The following RPL7L1 variants were observed in gnomAD, a reference collection of about 807,000 sequenced individuals.
The protein encoded by RPL7L1 is ribosomal protein uL30-like.
Under a neutral mutation model 30.3 loss-of-function variants are expected in RPL7L1, and 20 were observed. The ratio of observed to expected loss-of-function variants is 0.66; its 90% CI spans 0.46 to 0.96. The LOEUF is 0.96. RPL7L1 is among the 40% of genes least tolerant of loss of function. The pLI, the probability that RPL7L1 is intolerant of heterozygous loss-of-function variation, is 0.00. For synonymous variants in RPL7L1, 107 were observed against 110.1 expected (o/e 0.97, Z 0.18); for missense variants, 271 against 314.9 (o/e 0.86, Z 1.05).
rs1766383514 is a variant in RPL7L1 at position 42,889,098 on chromosome 6, CCCT to C, written c.*2636_*2638del. On this transcript the variant is annotated 3_prime_UTR_variant, in exon 6 of 6. Coordinates refer to ENST00000493763, the MANE Select transcript of RPL7L1 (RefSeq NM_001366481.3). ...TTGGCTGCAATTTTGGCTCCTTGGA[CCCT>C]CAAGCATAGCTGGTAAATCAAGTTA... 1 of 152,114 alleles carries C rather than the reference CCCT, an allele frequency of 6.6e-6. No individual in the cohort carries two copies. The highest frequency in any genetic ancestry group is 1.5e-5 in the Non-Finnish European group (1 of 68,048). The allele number at this position is 152,114 out of a possible 1,614,324, so 9.4% of individuals were successfully genotyped here.
At chr6:42,884,266 G>T (rs1223069848) in intron 3 of RPL7L1, among the ~76,000 whole-genome samples, 1 of 152,142 alleles carries the variant, frequency 6.6e-6, no homozygotes, top group African/African-American at 2.4e-5. Flanking sequence ...CTTGGTGATT[G>T]TCAGAAAGAA....
In RPL7L1 at chr6:42,889,422, C is replaced by CA. The variant is rs1415612590; in HGVS notation, c.*2962dup. On this transcript the variant is annotated 3_prime_UTR_variant, in exon 6 of 6. Coordinates refer to ENST00000493763, the MANE Select transcript of RPL7L1 (RefSeq NM_001366481.3). ...CACCATTGCACTCCACCTTGGGCAA[C>CA]AAAAGCAAAACTCTGTCTCAAAAAA... 9.8e-6 allele frequency: 1 copy of CA among 102,402 alleles called. No homozygotes were observed. The highest frequency in any genetic ancestry group is 2.0e-5 in the Non-Finnish European group (1 of 49,780). 6.3% of individuals were successfully genotyped at this position (102,402 alleles called of 1,614,324 possible).
In RPL7L1 at chr6:42,886,392, C is replaced by T; in HGVS notation, c.696C>T (p.Gly232=). ...VARHATKNRV[G]FLKEMGTPGY... ...GTCATGCTACCAAAAATAGAGTGGG[C>T]TTCCTCAAGGAGATGGGCACACCTG... is the stretch of plus-strand genomic sequence containing the variant. Residue 232 remains glycine (G), a synonymous_variant, in exon 6 of 6, where the codon GGC becomes GGT. Transcript: ENST00000493763. 6.3e-7 allele frequency: 1 copy of T among 1,597,844 alleles called. No homozygotes were observed. Among genetic ancestry groups the T allele is most frequent in the Middle Eastern group, 2.3e-4 (1 of 4,428 alleles).
In RPL7L1 at chr6:42,885,970, A is replaced by G. The variant is rs750725981; in HGVS notation, c.450-4A>G. 4 of 1,567,232 alleles carry G rather than the reference A, an allele frequency of 2.6e-6. No individual in the cohort carries two copies. The highest frequency in any genetic ancestry group is 1.4e-5 in the African/African-American group (1 of 74,000). Reference sequence around the variant, plus strand: ...TGAAAACCGTGCTTTATTTTCCTACATAGATTTCCAAATCTGAAGTCTGTC... The same window carrying G: ...TGAAAACCGTGCTTTATTTTCCTACGTAGATTTCCAAATCTGAAGTCTGTC... On this transcript the variant is annotated splice_polypyrimidine_tract_variant and splice_region_variant and intron_variant, in intron 4 of 5. Coordinates refer to ENST00000493763, the MANE Select transcript of RPL7L1 (RefSeq NM_001366481.3).
chr6:42,880,179 G>A (rs1229025858), intron 1 of RPL7L1, among the ~76,000 whole-genome samples: 1 of 152,126 alleles, frequency 6.6e-6, no homozygotes, highest in South Asian at 2.1e-4. Context: ...CAGCGGGCTG[G>A]AGTGCCACAG....
chr6:42,881,849 C>G (rs1766091546), intron 2 of RPL7L1: 1 of 152,186 alleles, frequency 6.6e-6, no homozygotes, highest in African/African-American at 2.4e-5. Flanking sequence ...CCTCCGCCGC[C>G]TCCCGGGTTC....
In RPL7L1 at chr6:42,889,044, A is replaced by G. The variant is rs1027164739; in HGVS notation, c.*2580A>G. 6.6e-6 allele frequency: 1 copy of G among 152,192 alleles called. No homozygotes were observed. The highest frequency in any genetic ancestry group is 1.5e-5 in the Non-Finnish European group (1 of 68,042). The allele number at this position is 152,192 out of a possible 1,614,324, so 9.4% of individuals were successfully genotyped here. On this transcript the variant is annotated 3_prime_UTR_variant, in exon 6 of 6. Coordinates refer to ENST00000493763, the MANE Select transcript of RPL7L1 (RefSeq NM_001366481.3). Reference sequence around the variant, plus strand: ...GTTAAACTTGGAAACATGCTTGACCATTCTATTCCCTGGTCCTTTAAGATC... The same window carrying G: ...GTTAAACTTGGAAACATGCTTGACCGTTCTATTCCCTGGTCCTTTAAGATC...
rs1473409195 is a variant in RPL7L1 at position 42,884,832 on chromosome 6, T to TCATGTTGCTGTAGAAGGGA, written c.449+86_449+104dup. 99 of 1,379,704 alleles carry TCATGTTGCTGTAGAAGGGA rather than the reference T, an allele frequency of 7.2e-5. No individual in the cohort carries two copies. In the African/African-American group the frequency reaches 1.2e-3, roughly 17 times the overall value. 85.5% of individuals were successfully genotyped at this position (1,379,704 alleles called of 1,614,324 possible). On this transcript the variant is annotated intron_variant, in intron 4 of 5. Coordinates refer to ENST00000493763, the MANE Select transcript of RPL7L1 (RefSeq NM_001366481.3). ...TGCACCGGGTATTGCTTTCCAGGGCTCATGTTGCTGTAGAAGGGACATTTT... is the reference window on the plus strand; with the variant it reads ...TGCACCGGGTATTGCTTTCCAGGGCTCATGTTGCTGTAGAAGGGACATGTTGCTGTAGAAGGGACATTTT...
In RPL7L1 at chr6:42,887,505, C is replaced by T. The variant is rs1766314205; in HGVS notation, c.*1041C>T. ...GGCTGAGGCAGGAGAATCGCTTGAA[C>T]CTGGGAGGTGGAAGTTGCAGTGAGC... On this transcript the variant is annotated 3_prime_UTR_variant, in exon 6 of 6. Transcript: ENST00000493763. 1 of 152,038 alleles carries T rather than the reference C, an allele frequency of 6.6e-6. No homozygotes were observed. Among genetic ancestry groups the T allele is most frequent in the Non-Finnish European group, 1.5e-5 (1 of 68,008 alleles). The allele number at this position is 152,038 out of a possible 1,614,324, so 9.4% of individuals were successfully genotyped here.
intron 2 of RPL7L1, 146 bp downstream of exon 2, chr6:42,881,112 G>T (rs1424566859): frequency 1.7e-6 from 1 of 596,828 alleles, no homozygotes; most frequent in East Asian, 3.1e-5. Flanking sequence ...TCCTTAAGGG[G>T]TTGGTTCCAG....
chr6:42,883,757 G>T, intron 3 of RPL7L1, 143 bp downstream of exon 3: 1 of 605,542 alleles, frequency 1.7e-6, no homozygotes, highest in Non-Finnish European at 2.8e-6. Flanking sequence ...AATTTAGTCT[G>T]CAATATTTGG....
rs1766398480 is a variant in RPL7L1, at chr6:42,889,575, A to G, written c.*3111A>G. 2 of 152,646 alleles carry G rather than the reference A, an allele frequency of 1.3e-5. No homozygotes were observed. The highest frequency in any genetic ancestry group is 1.3e-4 in the Admixed American group (2 of 15,288). 9.5% of individuals were successfully genotyped at this position (152,646 alleles called of 1,614,324 possible). A position where few individuals can be genotyped will look rare whatever the true frequency, so the allele number is the denominator to read the frequency against. On this transcript the variant is annotated 3_prime_UTR_variant, in exon 6 of 6. Transcript: ENST00000493763. ...CATTGTGAAATCAGATTACTTTAAA[A>G]TGATGTATTACAAAGTTATGCAAAA...
chr6:42,885,046 C>T (rs1007244196), intron 4 of RPL7L1, among the ~76,000 whole-genome samples: 2 of 152,132 alleles, frequency 1.3e-5, no homozygotes, highest in Non-Finnish European at 2.9e-5. Flanking sequence ...AGTAGTATTC[C>T]TGGCCGGACA....
Position 42,880,044 on chromosome 6 carries a change from C to T in RPL7L1, c.41+93C>T, listed in dbSNP as rs116225111. On this transcript the variant is annotated intron_variant, in intron 1 of 5. Coordinates refer to ENST00000493763, the MANE Select transcript of RPL7L1 (RefSeq NM_001366481.3). ...TGCCTTGGTGGCGGATTCCTGTGGG[C>T]TCTAGGAATAGAAAAGGCCACAGTT... 1,939 of 1,267,408 alleles carry T rather than the reference C, an allele frequency of 1.5e-3. 26 individuals carry two copies. In the African/African-American group the frequency reaches 0.024, roughly 16 times the overall value. The allele number at this position is 1,267,408 out of a possible 1,614,324, so 78.5% of individuals were successfully genotyped here.
intron 5 of RPL7L1, 67 bp from the exon 6 acceptor site, chr6:42,886,188 AG>A: frequency 6.8e-7 from 1 of 1,461,884 alleles, no homozygotes; most frequent in Non-Finnish European, 9.6e-7. Context: ...AGAGTCTGCC[AG>A]AGTGGCCAGC....
intron 1 of RPL7L1, 110 bp from the exon 2 acceptor site, chr6:42,880,751 A>C (rs1194111796): frequency 3.4e-5 from 20 of 581,866 alleles, no homozygotes; most frequent in Non-Finnish European, 2.8e-5. Context: ...GACCTCAGGT[A>C]ATCCACCCAC....
At chr6:42,884,504 C>G in intron 3 of RPL7L1, 109 bp from the exon 4 acceptor site, 1 of 975,556 alleles carries the variant, frequency 1.0e-6, no homozygotes, top group East Asian at 2.4e-5. Context: ...AAGGCATAGT[C>G]TCTGTGTCTT....
At position 42,886,756 on chromosome 6, in the gene RPL7L1, G is replaced by T. The variant is rs1387205691; in HGVS notation, c.*292G>T. 1.3e-5 allele frequency: 4 copies of T among 300,010 alleles called. No homozygotes were observed. Among genetic ancestry groups the T allele is most frequent in the African/African-American group, 8.7e-5 (4 of 45,976 alleles). The allele number at this position is 300,010 out of a possible 1,614,324, so 18.6% of individuals were successfully genotyped here. A position where few individuals can be genotyped will look rare whatever the true frequency, so the allele number is the denominator to read the frequency against. ...CACGCCTGTAATCCCAGCACTTTGGGAGGCCAAGGCGGGCAGACCATGAGG... is the reference window on the plus strand; with the variant it reads ...CACGCCTGTAATCCCAGCACTTTGGTAGGCCAAGGCGGGCAGACCATGAGG... On this transcript the variant is annotated 3_prime_UTR_variant, in exon 6 of 6. Transcript: ENST00000493763.
chr6:42,884,501 A>G, intron 3 of RPL7L1, 112 bp from the exon 4 acceptor site: 1 of 939,740 alleles, frequency 1.1e-6, no homozygotes, highest in Non-Finnish European at 1.6e-6. Flanking sequence ...TTTAAGGCAT[A>G]GTCTCTGTGT....
Sources: gnomAD v4.1 joint callset for allele counts (sites outside exome capture counted in the v4.1 genomes callset) on GRCh38, gnomAD v4.1.1 for gene constraint, MANE v1.5 for transcripts, NCBI Gene and HGNC (gene_info 2026-07-23, HGNC 2026-07-21) for gene names.